Variants in VDR observed in about 807,000 individuals in gnomAD.
The protein encoded by VDR is vitamin D receptor.
In VDR, 19 loss-of-function variants were observed where a neutral mutation model predicts 39.7. The ratio of observed to expected loss-of-function variants is 0.48; its 90% confidence interval spans 0.33 to 0.70. The LOEUF (loss-of-function observed/expected upper bound fraction) is 0.70. Among genes scored for constraint, VDR ranks in the 30% least tolerant of loss-of-function variants. The pLI is 0.02. For synonymous variants in VDR, 242 were observed against 215.8 expected, an observed-to-expected ratio of 1.12 and a Z score of -1.07; for missense variants, 442 against 570.5, an observed-to-expected ratio of 0.77 and a Z score of 2.29.
chr12:47,902,974 G>A (rs1447368655), intron 1 of VDR, among the ~76,000 whole-genome samples: 3 of 152,136 alleles, frequency 2.0e-5, no homozygotes, highest in Admixed American at 1.3e-4. Context: ...AGTTACAAAA[G>A]AGATCAGTTT....
chr12:47,893,965 G>T (rs1946417256), intron 1 of VDR, among the ~76,000 whole-genome samples: 2 of 152,188 alleles, frequency 1.3e-5, no homozygotes, highest in South Asian at 4.1e-4. Context: ...CCAAATATCA[G>T]AATCTGTCTG....
chr12:47,859,898 CTTCCTTCCTTCCTTCCTTCTTTCTTT>C (rs1565615217), intron 4 of VDR, among the ~76,000 whole-genome samples: 1,806 of 44,560 alleles, frequency 0.041, 73 homozygotes, highest in Non-Finnish European at 0.045. Flanking sequence ...TCCTTCCTTC[CTTCCTTCCTTCCTTCCTTCTTTCTTT>C]TTCTTTCTTT....
intron 1 of VDR, among the ~76,000 whole-genome samples, chr12:47,895,880 C>G (rs1033174670): frequency 6.6e-6 from 1 of 152,254 alleles, no homozygotes; most frequent in African/African-American, 2.4e-5. Context: ...TCCCATCAAC[C>G]AGCGTGTGCT....
At chr12:47,859,191 C>T (rs1945557917) in intron 4 of VDR, among the ~76,000 whole-genome samples, 1 of 152,188 alleles carries the variant, frequency 6.6e-6, no homozygotes, top group African/African-American at 2.4e-5. Flanking sequence ...CACCTGGGGA[C>T]CAGAGTTAGG....
At chr12:47,888,527 G>C (rs1946304047) in intron 1 of VDR, among the ~76,000 whole-genome samples, 1 of 152,192 alleles carries the variant, frequency 6.6e-6, no homozygotes, top group Non-Finnish European at 1.5e-5. Flanking sequence ...TTTCCTGCAA[G>C]CTGCTTTTTT....
Position 47,897,673 on chromosome 12 carries a change from A to G in VDR, c.-84+7282T>C, listed in dbSNP as rs1946486416. On this transcript the variant is annotated intron_variant, in intron 1 of 9. Coordinates refer to ENST00000549336, the MANE Select transcript of VDR (RefSeq NM_000376.3). ...GCAGGGTATTCGACCTTCAAAGGGA[A>G]AGGGATTCTCTACAGGCATTTGGCT... 3.3e-5 allele frequency among the ~76,000 whole-genome samples: 5 copies of G among 152,268 alleles called. No individual in the cohort carries two copies. The South Asian group carries it at 1.0e-3, about 32-fold the overall frequency.
intron 1 of VDR, 92 bp from the exon 2 acceptor site, chr12:47,882,866 G>C: frequency 5.0e-6 from 5 of 1,001,338 alleles, no homozygotes; most frequent in Non-Finnish European, 5.9e-6. Context: ...GCTCTTTCCA[G>C]GGACTTTAGT....
intron 6 of VDR, among the ~76,000 whole-genome samples, chr12:47,856,620 TTTAAAAAA>T: frequency 6.7e-6 from 1 of 148,434 alleles, no homozygotes; most frequent in African/African-American, 2.5e-5. Context: ...ATGTGTTTTT[TTTAAAAAA>T]AAAAAAAAAA....
At chr12:47,862,871 G>T (rs1204012167) in intron 4 of VDR, among the ~76,000 whole-genome samples, 1 of 152,220 alleles carries the variant, frequency 6.6e-6, no homozygotes. Flanking sequence ...TTCCCTTCAG[G>T]AAAGTAAAAA....
At chr12:47,861,676 C>G (rs535623718) in intron 4 of VDR, among the ~76,000 whole-genome samples, 2 of 151,972 alleles carry the variant, frequency 1.3e-5, no homozygotes, top group Non-Finnish European at 2.9e-5. Context: ...GGTGATCAGG[C>G]GTCTAAAGTG....
intron 1 of VDR, among the ~76,000 whole-genome samples, chr12:47,887,937 C>A (rs1184066460): frequency 6.6e-6 from 1 of 152,186 alleles, no homozygotes; most frequent in Non-Finnish European, 1.5e-5. Flanking sequence ...CTTTGAGAAC[C>A]TGCTAAAAGC....
Position 47,878,953 on chromosome 12 carries a change from G to T in VDR, c.146+15C>A. On this transcript the variant is annotated intron_variant, in intron 3 of 9. Transcript: ENST00000549336. ...CCTCCCTTTCCACTGGGGAGAGCCT[G>T]GGAGGAGGGCTCACCTGAAGAAGCC... is the stretch of plus-strand genomic sequence containing the variant. 6.2e-7 allele frequency: 1 copy of T among 1,614,152 alleles called. No homozygotes were observed. Among genetic ancestry groups the T allele is most frequent in the East Asian group, 2.2e-5 (1 of 44,882 alleles).
At chr12:47,886,745 C>A (rs1328466121) in intron 1 of VDR, among the ~76,000 whole-genome samples, 1 of 152,226 alleles carries the variant, frequency 6.6e-6, no homozygotes, top group Non-Finnish European at 1.5e-5. Flanking sequence ...TCTTAAATTT[C>A]TTCTATGATA....
chr12:47,882,998 G>C, intron 1 of VDR: 1 of 504,114 alleles, frequency 2.0e-6, no homozygotes, highest in South Asian at 2.5e-5. Context: ...TCGAGGCAGG[G>C]AGTAGCAGGA....
intron 4 of VDR, 28 bp from the exon 5 acceptor site, chr12:47,857,716 G>T: frequency 2.5e-6 from 4 of 1,607,750 alleles, no homozygotes; most frequent in Non-Finnish European, 1.7e-6. Flanking sequence ...GAGTCAGGAG[G>T]GCTGGCCAGC....
chr12:47,846,460 G>C lies in VDR; in HGVS notation c.908-9C>G. On this transcript the variant is annotated splice_polypyrimidine_tract_variant and intron_variant, in intron 8 of 9. Transcript: ENST00000549336. ...CTCCAGGCTGTGTCCGGCTGTGAGA[G>C]ACAATGGCCAGGTACTGCGGGCAGA... The C allele has an allele frequency of 6.4e-7, 1 of 1,562,584 alleles. No homozygotes were observed. Among genetic ancestry groups the C allele is most frequent in the Non-Finnish European group, 8.7e-7 (1 of 1,153,460 alleles).
At chr12:47,860,805 C>G (rs1945612546) in intron 4 of VDR, among the ~76,000 whole-genome samples, 1 of 152,184 alleles carries the variant, frequency 6.6e-6, no homozygotes, top group African/African-American at 2.4e-5. Context: ...CTTTCTCCCC[C>G]TTAAGACTTA....
rs71077177 is a variant in VDR, at chr12:47,873,351, C to CTTTTTTTTTTTTT, written c.146+5604_146+5616dup. On this transcript the variant is annotated intron_variant, in intron 3 of 9. Transcript: ENST00000549336. ...ACCATGAGTCAATTAAACCTGTTTT[C>CTTTTTTTTTTTTT]TTTTTTTTTTTTTTTTTTTTTTTTT... Among the ~76,000 whole-genome samples the CTTTTTTTTTTTTT allele has an allele frequency of 5.1e-4, 50 of 98,432 alleles. 8 individuals are homozygous for CTTTTTTTTTTTTT. The highest frequency in any genetic ancestry group is 3.9e-3 in the East Asian group (9 of 2,322). 64.6% of individuals were successfully genotyped at this position (98,432 alleles called of 152,430 possible). A position where few individuals can be genotyped will look rare whatever the true frequency, so the allele number is the denominator to read the frequency against.
At chr12:47,881,104 G>GTA (rs367879517) in intron 2 of VDR, among the ~76,000 whole-genome samples, 14,456 of 106,206 alleles carry the variant, frequency 0.14, 2,225 homozygotes, top group African/African-American at 0.36. Context: ...GTGTGTGTGT[G>GTA]TATATATATA....
Sources: allele counts gnomAD v4.1 joint callset (sites outside exome capture counted in the v4.1 genomes callset), GRCh38; gene constraint gnomAD v4.1.1; transcripts MANE v1.5; gene names NCBI Gene and HGNC (gene_info 2026-07-23, HGNC 2026-07-21).